Variants in COL24A1 observed in about 807,000 individuals in gnomAD.
COL24A1 encodes the protein collagen alpha-1(XXIV) chain.
In COL24A1, 224 loss-of-function variants were observed where a neutral mutation model predicts 253.9. That is an observed-to-expected ratio of 0.88 (90% CI 0.79 to 0.99). COL24A1 has a LOEUF of 0.99. Among genes scored for constraint, COL24A1 ranks in the 50% least tolerant of loss-of-function variants. The probability of loss-of-function intolerance (pLI) is 0.00; values close to 1 mark genes in which losing one functional copy is unlikely to be tolerated. For missense variants in COL24A1, 2,131 were observed against 2,068.5 expected, an observed-to-expected ratio of 1.03 and a Z score of -0.59; for synonymous variants, 685 against 673.7, an observed-to-expected ratio of 1.02 and a Z score of -0.26.
chr1:85,993,561 G>A (rs1694499346), intron 19 of COL24A1, among the ~76,000 whole-genome samples: 1 of 151,624 alleles, frequency 6.6e-6, no homozygotes, highest in African/African-American at 2.4e-5. Context: ...GAAGACAAGA[G>A]GAACAGAAAT....
intron 37 of COL24A1, 125 bp downstream of exon 37, chr1:85,868,394 A>C: frequency 1.8e-6 from 1 of 566,668 alleles, no homozygotes. Context: ...CTCTAGCCAC[A>C]GTTTCACATA....
At chr1:85,877,214 T>C in intron 32 of COL24A1, 39 bp from the exon 33 acceptor site, 1 of 1,440,450 alleles carries the variant, frequency 6.9e-7, no homozygotes, top group Non-Finnish European at 9.5e-7. Flanking sequence ...GAATAAAAGT[T>C]TACTCTATGT....
intron 7 of COL24A1, among the ~76,000 whole-genome samples, chr1:86,083,666 C>A (rs1702843160): frequency 6.6e-6 from 1 of 151,984 alleles, no homozygotes; most frequent in Non-Finnish European, 1.5e-5. Flanking sequence ...CTTAGCTAAC[C>A]TGAAATAAAA....
chr1:85,837,153 A>G (rs995320307), intron 43 of COL24A1, among the ~76,000 whole-genome samples: 1 of 152,194 alleles, frequency 6.6e-6, no homozygotes, highest in Non-Finnish European at 1.5e-5. Flanking sequence ...AGTAAATTTC[A>G]AATAAATCCA....
At chr1:85,923,357 C>G (rs1686766392) in intron 24 of COL24A1, among the ~76,000 whole-genome samples, 1 of 152,172 alleles carries the variant, frequency 6.6e-6, no homozygotes, top group East Asian at 1.9e-4. Flanking sequence ...CTCAAATTAA[C>G]AGAATATACA....
At chr1:86,037,745 G>A (rs1306644538) in intron 12 of COL24A1, among the ~76,000 whole-genome samples, 1 of 152,002 alleles carries the variant, frequency 6.6e-6, no homozygotes, top group Non-Finnish European at 1.5e-5. Flanking sequence ...GTTTTAAGCT[G>A]CTAAGTTTGT....
chr1:86,067,567 A>G lies in COL24A1; in HGVS notation c.1708-3808T>C, dbSNP rs566683169. 7.9e-5 allele frequency among the ~76,000 whole-genome samples: 12 copies of G among 152,362 alleles called. No homozygotes were observed. In the East Asian group the frequency reaches 1.9e-3, roughly 24 times the overall value. On this transcript the variant is annotated intron_variant, in intron 7 of 59. Coordinates refer to ENST00000370571, the MANE Select transcript of COL24A1 (RefSeq NM_152890.7). ...ATCACTTAGGTAGAAAATAGATTCT[A>G]TGTATTTAATATGGTAACTCTATTA...
At chr1:86,144,903 A>G (rs901281144) in intron 2 of COL24A1, among the ~76,000 whole-genome samples, 6 of 152,164 alleles carry the variant, frequency 3.9e-5, no homozygotes, top group African/African-American at 9.6e-5. Context: ...AACCGTGATA[A>G]TAACAATAAA....
At chr1:86,144,934 C>T (rs1033332024) in intron 2 of COL24A1, among the ~76,000 whole-genome samples, 37 of 152,100 alleles carry the variant, frequency 2.4e-4, no homozygotes, top group African/African-American at 7.2e-4. Context: ...GAGTTTTTCT[C>T]CTCTTCATGG....
chr1:86,108,401 A>G (rs918634970), intron 5 of COL24A1, among the ~76,000 whole-genome samples: 2 of 151,960 alleles, frequency 1.3e-5, no homozygotes, highest in East Asian at 1.9e-4. Flanking sequence ...ACTTTCCACC[A>G]TCTCTAGCTT....
chr1:85,889,828 A>G lies in COL24A1; in HGVS notation c.2923-215T>C, dbSNP rs185165721. 5.9e-5 allele frequency among the ~76,000 whole-genome samples: 9 copies of G among 152,012 alleles called. No homozygotes were observed. In the East Asian group the frequency reaches 1.5e-3, roughly 26 times the overall value. ...AAAGTTTGTGGCAGTAAGTGCATTCACAATGTTGTGTAACCGTTACCAGAA... is the reference window on the plus strand; with the variant it reads ...AAAGTTTGTGGCAGTAAGTGCATTCGCAATGTTGTGTAACCGTTACCAGAA... On this transcript the variant is annotated intron_variant, in intron 31 of 59. Coordinates refer to ENST00000370571, the MANE Select transcript of COL24A1 (RefSeq NM_152890.7).
At chr1:85,948,993 T>G (rs1263194787) in intron 24 of COL24A1, among the ~76,000 whole-genome samples, 2 of 152,182 alleles carry the variant, frequency 1.3e-5, no homozygotes, top group Non-Finnish European at 2.9e-5. Flanking sequence ...TGCTTAACAT[T>G]CTTTCCTGAC....
At chr1:85,910,800 C>G (rs1183009692) in intron 25 of COL24A1, among the ~76,000 whole-genome samples, 2 of 151,710 alleles carry the variant, frequency 1.3e-5, no homozygotes, top group African/African-American at 4.8e-5. Context: ...GATGAAACAA[C>G]CAGAGAGTAA....
In COL24A1 at chr1:86,045,907, A is replaced by C. The variant is rs17406727; in HGVS notation, c.1950+918T>G. The C allele has an allele frequency of 9.5e-3, 3,946 of 417,204 alleles. 45 individuals carry two copies. Among genetic ancestry groups the C allele is most frequent in the Non-Finnish European group, 0.013 (2,826 of 210,360 alleles). 25.8% of individuals were successfully genotyped at this position (417,204 alleles called of 1,614,324 possible). A position where few individuals can be genotyped will look rare whatever the true frequency, so the allele number is the denominator to read the frequency against. ...ACTGTGAGTAGAAGACAGAGCAGAA[A>C]TATCTAGGCAGTAAGGAAAAGGATT... On this transcript the variant is annotated intron_variant, in intron 12 of 59. Transcript: ENST00000370571.
At chr1:85,835,838 C>T (rs1675940575) in intron 43 of COL24A1, among the ~76,000 whole-genome samples, 2 of 152,074 alleles carry the variant, frequency 1.3e-5, no homozygotes, top group East Asian at 1.9e-4. Flanking sequence ...CACATGATGG[C>T]GTTCAAGACA....
intron 24 of COL24A1, among the ~76,000 whole-genome samples, chr1:85,919,070 T>C (rs745496880): frequency 2.6e-5 from 4 of 152,152 alleles, no homozygotes; most frequent in Admixed American, 6.5e-5. Flanking sequence ...CTTTTTTCCT[T>C]TTGCCATGAG....
intron 5 of COL24A1, among the ~76,000 whole-genome samples, chr1:86,108,096 C>T (rs1267477999): frequency 6.6e-6 from 1 of 152,132 alleles, no homozygotes; most frequent in East Asian, 1.9e-4. Flanking sequence ...CTTGAGATTA[C>T]ATTTTCTTCT....
chr1:85,819,848 CTT>C (rs550894402), intron 45 of COL24A1, among the ~76,000 whole-genome samples: 23 of 135,828 alleles, frequency 1.7e-4, no homozygotes, highest in Admixed American at 2.3e-4. Context: ...TTCTCTTTTC[CTT>C]TTTTTTTTTT....
intron 47 of COL24A1, among the ~76,000 whole-genome samples, chr1:85,812,359 C>T (rs1279983996): frequency 2.6e-5 from 4 of 152,166 alleles, no homozygotes; most frequent in Non-Finnish European, 5.9e-5. Context: ...GGAGGAAAAA[C>T]CTCAGGCCTG....
Sources: gnomAD v4.1 joint callset for allele counts (sites outside exome capture counted in the v4.1 genomes callset) on GRCh38, gnomAD v4.1.1 for gene constraint, MANE v1.5 for transcripts, NCBI Gene and HGNC (gene_info 2026-07-23, HGNC 2026-07-21) for gene names.